ADGRV1: variants seen among roughly 807,000 people sequenced by gnomAD.
The protein encoded by ADGRV1 is adhesion G protein-coupled receptor V1, also known as G-protein coupled receptor 98.
Under a neutral mutation model 596.2 loss-of-function variants are expected in ADGRV1, and 359 were observed. That is an observed-to-expected ratio of 0.60 (90% CI 0.55 to 0.66). The LOEUF is 0.66. Among genes scored for constraint, ADGRV1 ranks in the 30% least tolerant of loss-of-function variants. The pLI is 0.00. For missense variants in ADGRV1, 7,274 were observed against 7,575.6 expected (o/e 0.96, Z 1.48); for synonymous variants, 2,681 against 2,679.2 (o/e 1.00, Z -0.02).
intron 87 of ADGRV1, among the ~76,000 whole-genome samples, chr5:91,142,948 G>A (rs1348073716): frequency 6.6e-6 from 1 of 152,210 alleles, no homozygotes; most frequent in African/African-American, 2.4e-5. Flanking sequence ...GGCAGACTAC[G>A]CTTGGCTCAT....
At chr5:90,960,832 G>A (rs962210639) in intron 83 of ADGRV1, among the ~76,000 whole-genome samples, 6 of 152,172 alleles carry the variant, frequency 3.9e-5, no homozygotes, top group African/African-American at 1.4e-4. Context: ...GGGAATAGCA[G>A]TAAATGCATT....
intron 82 of ADGRV1, among the ~76,000 whole-genome samples, chr5:90,858,042 T>C (rs1767193042): frequency 6.6e-6 from 1 of 152,176 alleles, no homozygotes; most frequent in Admixed American, 6.5e-5. Flanking sequence ...GTGTGTCAAA[T>C]AGTTGTAGAG....
chr5:91,045,193 C>A (rs1785689596), intron 85 of ADGRV1, among the ~76,000 whole-genome samples: 1 of 152,226 alleles, frequency 6.6e-6, no homozygotes, highest in South Asian at 2.1e-4. Flanking sequence ...TTCTATGAAG[C>A]CAGTGTCACC....
At chr5:91,102,391 C>T (rs1791463067) in intron 87 of ADGRV1, 51 bp downstream of exon 87, 18 of 1,481,852 alleles carry the variant, frequency 1.2e-5, no homozygotes, top group Non-Finnish European at 1.5e-5. Context: ...TTAATGAACA[C>T]AAGGCATAGA....
In ADGRV1 at chr5:91,153,545, C is replaced by G. The variant is rs1796232258; in HGVS notation, c.18802+147C>G. 8.4e-6 allele frequency: 4 copies of G among 474,460 alleles called. No homozygotes were observed. The South Asian group carries it at 2.2e-4, about 27-fold the overall frequency. 29.4% of individuals were successfully genotyped at this position (474,460 alleles called of 1,614,324 possible). On this transcript the variant is annotated intron_variant, in intron 89 of 89. Coordinates refer to ENST00000405460, the MANE Select transcript of ADGRV1 (RefSeq NM_032119.4). ...ACCCATTCCTAATCCCAGGAAAACT[C>G]TAGGATATTTTGTTCTTGGCACCAA... is the stretch of plus-strand genomic sequence containing the variant.
At chr5:90,585,088 A>G (rs1758569181) in intron 1 of ADGRV1, among the ~76,000 whole-genome samples, 1 of 152,218 alleles carries the variant, frequency 6.6e-6, no homozygotes, top group Admixed American at 6.5e-5. Flanking sequence ...CTTTTGTTTT[A>G]CACTGGAATT....
intron 83 of ADGRV1, among the ~76,000 whole-genome samples, chr5:90,906,780 T>A (rs1188734472): frequency 6.6e-6 from 1 of 152,194 alleles, no homozygotes; most frequent in Non-Finnish European, 1.5e-5. Flanking sequence ...TTGGATTTGG[T>A]TTGCTCTGCT....
At chr5:91,055,081 T>G (rs1301646597) in intron 85 of ADGRV1, among the ~76,000 whole-genome samples, 1 of 152,132 alleles carries the variant, frequency 6.6e-6, no homozygotes, top group Non-Finnish European at 1.5e-5. Context: ...GGTTGTAAGT[T>G]TTTCTTGCTT....
chr5:90,650,833 A>G (rs1768497269), intron 17 of ADGRV1, among the ~76,000 whole-genome samples: 1 of 152,196 alleles, frequency 6.6e-6, no homozygotes, highest in Admixed American at 6.5e-5. Flanking sequence ...TAACCTGGGG[A>G]TTCAAGGAAG....
intron 6 of ADGRV1, 47 bp from the exon 7 acceptor site, chr5:90,627,164 G>A: frequency 9.9e-7 from 1 of 1,008,442 alleles, no homozygotes. Context: ...TTATTTGCAG[G>A]TGTTTTGGCT....
chr5:91,097,770 G>A (rs1051200341), intron 86 of ADGRV1, among the ~76,000 whole-genome samples: 5 of 152,066 alleles, frequency 3.3e-5, no homozygotes, highest in African/African-American at 1.2e-4. Flanking sequence ...AATCATTCTA[G>A]TGGGTATGAA....
intron 85 of ADGRV1, among the ~76,000 whole-genome samples, chr5:91,058,094 G>T (rs1787055288): frequency 6.6e-6 from 1 of 152,130 alleles, no homozygotes; most frequent in African/African-American, 2.4e-5. Context: ...AACATTTTAG[G>T]TTATTTTTCC....
intron 45 of ADGRV1, among the ~76,000 whole-genome samples, chr5:90,721,504 AAAAAT>A (rs1249486516): frequency 9.9e-5 from 7 of 70,672 alleles, no homozygotes; most frequent in African/African-American, 4.4e-4. Flanking sequence ...ACTTGGTCTA[AAAAAT>A]AAAATAAAAT....
At chr5:90,586,139 A>C (rs1354208302) in intron 1 of ADGRV1, among the ~76,000 whole-genome samples, 1 of 152,212 alleles carries the variant, frequency 6.6e-6, no homozygotes, top group Non-Finnish European at 1.5e-5. Flanking sequence ...TCCAACATGC[A>C]CAAAAGTAGA....
chr5:90,603,984 A>C (rs1761764054), intron 1 of ADGRV1, among the ~76,000 whole-genome samples: 1 of 150,220 alleles, frequency 6.7e-6, no homozygotes. Context: ...GGAGATAAGA[A>C]ATTTCTTACT....
At chr5:90,822,399 G>C (rs557798641) in intron 75 of ADGRV1, among the ~76,000 whole-genome samples, 3 of 152,290 alleles carry the variant, frequency 2.0e-5, no homozygotes, top group African/African-American at 7.2e-5. Flanking sequence ...GCTGGGAGCT[G>C]TAGACCGGAG....
chr5:90,823,327 A>G (rs1763768163), intron 75 of ADGRV1, 98 bp from the exon 76 acceptor site: 3 of 1,214,214 alleles, frequency 2.5e-6, no homozygotes, highest in Admixed American at 2.3e-5. Flanking sequence ...ACCATTTGGT[A>G]TACTTTGGAT....
intron 74 of ADGRV1, among the ~76,000 whole-genome samples, chr5:90,813,050 G>A (rs566692200): frequency 7.5e-5 from 11 of 146,972 alleles, no homozygotes; most frequent in South Asian, 4.3e-4. Flanking sequence ...GGAGAATGGC[G>A]TGAACCTGGG....
intron 11 of ADGRV1, 58 bp downstream of exon 11, chr5:90,638,006 C>G (rs1766446493): frequency 4.1e-6 from 5 of 1,228,768 alleles, no homozygotes; most frequent in Non-Finnish European, 5.7e-6. Flanking sequence ...TCTTCAATAA[C>G]TTTGATTTTT....
Sources: allele counts gnomAD v4.1 joint callset (sites outside exome capture counted in the v4.1 genomes callset), GRCh38; gene constraint gnomAD v4.1.1; transcripts MANE v1.5; gene names NCBI Gene and HGNC (gene_info 2026-07-23, HGNC 2026-07-21).